Variants in ERI1 observed in about 807,000 individuals in gnomAD.
The protein encoded by ERI1 is exoribonuclease 1.
ERI1 carries 39 observed loss-of-function variants against 39.7 expected under a neutral mutation model. The ratio of observed to expected loss-of-function variants is 0.98; its 90% CI spans 0.76 to 1.28. ERI1 has a LOEUF of 1.28. ERI1 is among the 50% of genes most tolerant of loss of function. The pLI is 0.00. For synonymous variants in ERI1, 204 were observed against 149.6 expected, an observed-to-expected ratio of 1.36 and a Z score of -2.65; for missense variants, 581 against 416.9, an observed-to-expected ratio of 1.39 and a Z score of -3.43.
At chr8:9,051,657 CAA>C (rs11439065) in intron 3 of ERI1, among the ~76,000 whole-genome samples, 8 of 141,048 alleles carry the variant, frequency 5.7e-5, no homozygotes, top group Admixed American at 7.2e-5. Flanking sequence ...GACCCTGTCT[CAA>C]AAAAAAAAAA....
In ERI1 at chr8:9,098,524, C is replaced by G. The variant is rs73522720; in HGVS notation, n.300-17824C>G. Among the ~76,000 whole-genome samples, 386 of 152,082 alleles carry G rather than the reference C, an allele frequency of 2.5e-3. 4 individuals carry two copies. The highest frequency in any genetic ancestry group is 9.0e-3 in the African/African-American group (374 of 41,506). ...CAGAATAAGTGAGACTCCATCTCAA[C>G]AACAATAACAAAAAGAAGGATACAG... On this transcript the variant is annotated intron_variant and non_coding_transcript_variant, in intron 3 of 3. Transcript: ENST00000518663.
At chr8:9,052,639 A>G (rs946773947) in intron 3 of ERI1, among the ~76,000 whole-genome samples, 1 of 152,248 alleles carries the variant, frequency 6.6e-6, no homozygotes, top group Non-Finnish European at 1.5e-5. Context: ...TGTTAACTTC[A>G]GGATACATTT....
rs1797587994 is a variant in ERI1, at chr8:9,031,513, A to AT, written c.*1480dup. The AT allele has an allele frequency of 6.6e-6, 1 of 152,228 alleles. No homozygotes were observed. Among genetic ancestry groups the AT allele is most frequent in the South Asian group, 2.1e-4 (1 of 4,834 alleles). 9.4% of individuals were successfully genotyped at this position (152,228 alleles called of 1,614,324 possible). A position where few individuals can be genotyped will look rare whatever the true frequency, so the allele number is the denominator to read the frequency against. On this transcript the variant is annotated 3_prime_UTR_variant, in exon 7 of 7. Coordinates refer to ENST00000250263, the MANE Select transcript of ERI1 (RefSeq NM_153332.4). ...ACAGTTAACTCTTAGGATAAGAGGG[A>AT]TGTATGCTGAGATGTTTGTGCATCC... is the stretch of plus-strand genomic sequence containing the variant.
At chr8:9,087,508 G>A (rs189348156) in intron 3 of ERI1, among the ~76,000 whole-genome samples, 11 of 147,280 alleles carry the variant, frequency 7.5e-5, no homozygotes, top group African/African-American at 2.5e-4. Context: ...GGCCCACCTC[G>A]GCCTCCTAAA....
At chr8:9,039,020 G>A (rs891479982) in intron 3 of ERI1, among the ~76,000 whole-genome samples, 1 of 152,006 alleles carries the variant, frequency 6.6e-6, no homozygotes, top group African/African-American at 2.4e-5. Context: ...GTTTATTTTT[G>A]TTGAAAACAG....
At chr8:9,039,239 A>T (rs1424318914) in intron 3 of ERI1, among the ~76,000 whole-genome samples, 1 of 152,210 alleles carries the variant, frequency 6.6e-6, no homozygotes, top group Non-Finnish European at 1.5e-5. Flanking sequence ...ACCTTTTAGG[A>T]TATAATACTC....
chr8:9,056,503 T>C (rs1246489532), intron 3 of ERI1, among the ~76,000 whole-genome samples: 3 of 147,148 alleles, frequency 2.0e-5, no homozygotes, highest in African/African-American at 7.3e-5. Context: ...TATAAATGCA[T>C]CTGTAAGTAA....
chr8:9,083,120 A>C (rs767747961), intron 3 of ERI1, among the ~76,000 whole-genome samples: 4 of 152,226 alleles, frequency 2.6e-5, no homozygotes, highest in Middle Eastern at 6.3e-3. Context: ...ACCCTAGAAA[A>C]GCCCAGCCAA....
At chr8:9,008,192 C>G (rs774866078) in intron 2 of ERI1, 44 bp downstream of exon 2, 6 of 1,400,166 alleles carry the variant, frequency 4.3e-6, no homozygotes, top group South Asian at 2.9e-5. Flanking sequence ...AGTACATGCT[C>G]ATTTTAGAAA....
intron 3 of ERI1, among the ~76,000 whole-genome samples, chr8:9,060,242 G>C (rs1585270873): frequency 6.6e-6 from 1 of 152,242 alleles, no homozygotes; most frequent in East Asian, 1.9e-4. Context: ...GCCAAACCGA[G>C]GAATTATGTC....
At chr8:9,055,773 A>G (rs1239476083) in intron 3 of ERI1, among the ~76,000 whole-genome samples, 1 of 152,100 alleles carries the variant, frequency 6.6e-6, no homozygotes, top group African/African-American at 2.4e-5. Flanking sequence ...ATTGGCCTCA[A>G]GTGATCCTCT....
chr8:9,015,996 A>G (rs970819313), intron 3 of ERI1, among the ~76,000 whole-genome samples: 3 of 152,200 alleles, frequency 2.0e-5, no homozygotes, highest in African/African-American at 7.2e-5. Flanking sequence ...ATCTTGAAGT[A>G]GAGGATGCAT....
chr8:9,039,651 GGTATTTGGC>G (rs1797956207), intron 3 of ERI1, among the ~76,000 whole-genome samples: 1 of 152,130 alleles, frequency 6.6e-6, no homozygotes, highest in East Asian at 1.9e-4. Flanking sequence ...ATTGAACTAA[GGTATTTGGC>G]TTTTGGCAGA....
intron 3 of ERI1, among the ~76,000 whole-genome samples, chr8:9,095,346 C>G (rs187738538): frequency 1.3e-5 from 2 of 152,282 alleles, no homozygotes; most frequent in African/African-American, 4.8e-5. Flanking sequence ...TTCAGTCCTT[C>G]CCGTTCTCTC....
At chr8:9,006,093 C>T (rs530188541) in intron 1 of ERI1, among the ~76,000 whole-genome samples, 2 of 152,130 alleles carry the variant, frequency 1.3e-5, no homozygotes, top group African/African-American at 2.4e-5. Flanking sequence ...GTATGTATTT[C>T]GTAAACTAAT....
intron 5 of ERI1, among the ~76,000 whole-genome samples, chr8:9,018,816 C>G (rs1318347274): frequency 6.6e-6 from 1 of 152,034 alleles, no homozygotes; most frequent in East Asian, 1.9e-4. Context: ...TTTACCCTTT[C>G]TCTGTGTAGT....
chr8:9,082,345 T>G (rs1563094592), intron 3 of ERI1, among the ~76,000 whole-genome samples: 1 of 152,242 alleles, frequency 6.6e-6, no homozygotes, highest in South Asian at 2.1e-4. Context: ...GTAGACATGC[T>G]AATGAGTTGC....
At chr8:9,008,920 G>C (rs1816354643) in intron 2 of ERI1, 1 of 435,704 alleles carries the variant, frequency 2.3e-6, no homozygotes, top group Non-Finnish European at 4.6e-6. Context: ...TTCCTCTTTA[G>C]AGTTTCACCA....
chr8:9,064,279 G>A (rs1798798137), intron 3 of ERI1, among the ~76,000 whole-genome samples: 1 of 151,846 alleles, frequency 6.6e-6, no homozygotes, highest in Non-Finnish European at 1.5e-5. Flanking sequence ...GCAGAGAAGG[G>A]GTGGAGACAT....
Sources: gnomAD v4.1 joint callset for allele counts (sites outside exome capture counted in the v4.1 genomes callset) on GRCh38, gnomAD v4.1.1 for gene constraint, MANE v1.5 for transcripts, NCBI Gene and HGNC (gene_info 2026-07-23, HGNC 2026-07-21) for gene names.